SPOCK1: variants seen among roughly 807,000 people sequenced by gnomAD.
The protein encoded by SPOCK1 is testican-1.
Under a neutral mutation model 55.3 loss-of-function variants are expected in SPOCK1, and 23 were observed. The observed-to-expected ratio is 0.42, with a 90% CI of 0.30 to 0.59. The LOEUF (loss-of-function observed/expected upper bound fraction) is 0.59. Ranked by LOEUF, SPOCK1 falls within the 20% of genes least tolerant of loss-of-function variation. The pLI, the probability that SPOCK1 is intolerant of heterozygous loss-of-function variation, is 0.22. For missense variants in SPOCK1, 499 were observed against 552.5 expected (o/e 0.90, Z 0.97); for synonymous variants, 226 against 221.0 (o/e 1.02, Z -0.20).
At chr5:137,329,166 G>T (rs1758128250) in intron 2 of SPOCK1, among the ~76,000 whole-genome samples, 1 of 152,174 alleles carries the variant, frequency 6.6e-6, no homozygotes, top group Non-Finnish European at 1.5e-5. Flanking sequence ...GGCTAGGGAA[G>T]AGGGAGCTCC....
intron 2 of SPOCK1, among the ~76,000 whole-genome samples, chr5:137,284,140 T>C (rs1262551590): frequency 6.6e-6 from 1 of 152,218 alleles, no homozygotes; most frequent in African/African-American, 2.4e-5. Context: ...TTAAGTAACC[T>C]GTTCCAGGTG....
chr5:137,341,392 C>T (rs1379641982), intron 2 of SPOCK1, among the ~76,000 whole-genome samples: 1 of 152,210 alleles, frequency 6.6e-6, no homozygotes, highest in East Asian at 1.9e-4. Context: ...ACAGGTGTCT[C>T]ACTGTACAAA....
At chr5:137,101,401 T>C (rs993050571) in intron 5 of SPOCK1, among the ~76,000 whole-genome samples, 2 of 152,236 alleles carry the variant, frequency 1.3e-5, no homozygotes, top group African/African-American at 4.8e-5. Flanking sequence ...AATGGCTTAA[T>C]TGTGCATTCA....
intron 5 of SPOCK1, among the ~76,000 whole-genome samples, chr5:137,095,731 T>C (rs1753134966): frequency 6.6e-6 from 1 of 152,230 alleles, no homozygotes; most frequent in Non-Finnish European, 1.5e-5. Flanking sequence ...TAGCCAGTAT[T>C]ATCCCTAGGT....
chr5:137,010,360 T>C (rs1259299326), intron 6 of SPOCK1, among the ~76,000 whole-genome samples: 2 of 151,894 alleles, frequency 1.3e-5, no homozygotes, highest in African/African-American at 2.4e-5. Context: ...TTGAGGATGT[T>C]GTGGAGAGAT....
At chr5:137,024,316 G>GCGGC (rs72180461) in intron 6 of SPOCK1, among the ~76,000 whole-genome samples, 10 of 139,954 alleles carry the variant, frequency 7.1e-5, no homozygotes, top group Non-Finnish European at 1.2e-4. Context: ...CAGTTTGAAG[G>GCGGC]GGGGGGGGTA....
chr5:137,366,585 C>G (rs1751068702), intron 2 of SPOCK1, among the ~76,000 whole-genome samples: 1 of 152,150 alleles, frequency 6.6e-6, no homozygotes, highest in Non-Finnish European at 1.5e-5. Context: ...AGCTGGAGTC[C>G]TGCCCCACCC....
At chr5:137,213,636 A>G (rs1172426172) in intron 3 of SPOCK1, among the ~76,000 whole-genome samples, 1 of 152,194 alleles carries the variant, frequency 6.6e-6, no homozygotes, top group African/African-American at 2.4e-5. Flanking sequence ...TCACCACTCA[A>G]TGACCACATG....
At chr5:137,297,149 T>A (rs1381315964) in intron 2 of SPOCK1, among the ~76,000 whole-genome samples, 5 of 152,258 alleles carry the variant, frequency 3.3e-5, no homozygotes, top group Non-Finnish European at 1.5e-5. Context: ...TACACACACA[T>A]ACATGTATGT....
rs1053979050 is a variant in SPOCK1, at chr5:137,499,323, A to G, written c.-145T>C. 2.2e-4 allele frequency: 34 copies of G among 151,746 alleles called. No homozygotes were observed. Among genetic ancestry groups the G allele is most frequent in the African/African-American group, 8.0e-4 (33 of 41,436 alleles). The allele number at this position is 151,746 out of a possible 1,614,324, so 9.4% of individuals were successfully genotyped here. Reference sequence around the variant, plus strand: ...CTGGCCGCTTTGTGAGCCCGCAGCGATGTGCTCTGCTCGCTCGCTGGCTCG... The same window carrying G: ...CTGGCCGCTTTGTGAGCCCGCAGCGGTGTGCTCTGCTCGCTCGCTGGCTCG... On this transcript the variant is annotated 5_prime_UTR_variant, in exon 1 of 11. Coordinates refer to ENST00000394945, the MANE Select transcript of SPOCK1 (RefSeq NM_004598.4).
At chr5:137,390,084 A>C (rs902534809) in intron 2 of SPOCK1, among the ~76,000 whole-genome samples, 2 of 152,148 alleles carry the variant, frequency 1.3e-5, no homozygotes, top group African/African-American at 4.8e-5. Context: ...TCTTTGTCCT[A>C]TGTTCCCTAC....
In SPOCK1 at chr5:137,160,578, A is replaced by ATATATATAATATATAATATAT. The variant is rs1754520123; in HGVS notation, c.233-19905_233-19885dup. Among the ~76,000 whole-genome samples, 5 of 47,072 alleles carry ATATATATAATATATAATATAT rather than the reference A, an allele frequency of 1.1e-4. 1 individual carries two copies. The Middle Eastern group carries it at 0.027, about 257-fold the overall frequency. 30.9% of individuals were successfully genotyped at this position (47,072 alleles called of 152,430 possible). On this transcript the variant is annotated intron_variant, in intron 3 of 10. Transcript: ENST00000394945. ...TATATTATATATTATATATTATATAATATATATAATATATAATATATTATA... is the reference window on the plus strand; with the variant it reads ...TATATTATATATTATATATTATATAATATATATAATATATAATATATTATATATAATATATAATATATTATA...
intron 2 of SPOCK1, among the ~76,000 whole-genome samples, chr5:137,406,022 G>T (rs189696257): frequency 1.3e-5 from 2 of 152,302 alleles, no homozygotes; most frequent in African/African-American, 4.8e-5. Context: ...GAGTCCCCAG[G>T]CAAGCTGTGG....
At chr5:137,130,157 T>C (rs954842632) in intron 4 of SPOCK1, among the ~76,000 whole-genome samples, 3 of 152,224 alleles carry the variant, frequency 2.0e-5, no homozygotes, top group Admixed American at 2.0e-4. Flanking sequence ...AAGGTGGTTT[T>C]ACCTTTGCCC....
At chr5:137,268,757 G>C (rs1241437752) in intron 2 of SPOCK1, among the ~76,000 whole-genome samples, 3 of 152,136 alleles carry the variant, frequency 2.0e-5, no homozygotes, top group Non-Finnish European at 2.9e-5. Flanking sequence ...TTCCAACTGT[G>C]GTTTATCAAT....
chr5:137,031,033 ATAAT>A (rs1342189146), intron 6 of SPOCK1, among the ~76,000 whole-genome samples: 6 of 152,244 alleles, frequency 3.9e-5, no homozygotes, highest in African/African-American at 9.6e-5. Flanking sequence ...CTACATTAAA[ATAAT>A]TAATATTTCC....
chr5:137,112,872 T>G (rs1580756924), intron 4 of SPOCK1, among the ~76,000 whole-genome samples: 1 of 144,596 alleles, frequency 6.9e-6, no homozygotes, highest in Non-Finnish European at 1.5e-5. Flanking sequence ...GGTGAGGGAA[T>G]ATGGCTTAAT....
At chr5:137,488,631 G>A (rs1004160858) in intron 2 of SPOCK1, among the ~76,000 whole-genome samples, 8 of 152,162 alleles carry the variant, frequency 5.3e-5, no homozygotes, top group African/African-American at 1.9e-4. Context: ...TTTGCACGGC[G>A]GGACAGACGA....
chr5:137,319,205 A>G (rs901661063), intron 2 of SPOCK1, among the ~76,000 whole-genome samples: 5 of 152,228 alleles, frequency 3.3e-5, no homozygotes, highest in African/African-American at 1.2e-4. Flanking sequence ...GCCTCTCATC[A>G]GAGAACTGAG....
Sources: allele counts gnomAD v4.1 joint callset (sites outside exome capture counted in the v4.1 genomes callset), GRCh38; gene constraint gnomAD v4.1.1; transcripts MANE v1.5; gene names NCBI Gene and HGNC (gene_info 2026-07-23, HGNC 2026-07-21).